Variants in MGAT4C observed in about 807,000 individuals in gnomAD.
MGAT4C encodes the protein alpha-1,3-mannosyl-glycoprotein 4-beta-N-acetylglucosaminyltransferase C.
Under a neutral mutation model 40.1 loss-of-function variants are expected in MGAT4C, and 19 were observed. The ratio of observed to expected loss-of-function variants is 0.47; its 90% CI spans 0.33 to 0.70. The LOEUF (loss-of-function observed/expected upper bound fraction) is 0.70, where lower values mean the gene tolerates loss of function less well. MGAT4C is among the 30% of genes least tolerant of loss of function. MGAT4C has a pLI of 0.02. For synonymous variants in MGAT4C, 181 were observed against 187.1 expected, an observed-to-expected ratio of 0.97 and a Z score of 0.27; for missense variants, 491 against 563.2, an observed-to-expected ratio of 0.87 and a Z score of 1.30.
In MGAT4C at chr12:86,306,233, A is replaced by G. The variant is rs753533761; in HGVS notation, c.-57+27832T>C. Among the ~76,000 whole-genome samples, 22 of 150,524 alleles carry G rather than the reference A, an allele frequency of 1.5e-4. 1 individual carries two copies. Among genetic ancestry groups the G allele is most frequent in the Non-Finnish European group, 1.5e-4 (10 of 67,974 alleles). On this transcript the variant is annotated intron_variant, in intron 4 of 7. Coordinates refer to the MGAT4C transcript ENST00000548651. ...GAAATTACTCAAGAGAAACAGAAAC[A>G]TAGGTCTACACACACTTATCAAGAA...
intron 1 of MGAT4C, among the ~76,000 whole-genome samples, chr12:86,824,179 C>A (rs1417783655): frequency 6.6e-6 from 1 of 151,226 alleles, no homozygotes; most frequent in Non-Finnish European, 1.5e-5. Context: ...ATCAGATTGA[C>A]CCTGGCATAT....
At position 85,962,252 on chromosome 12, in the gene MGAT4C, T is replaced by G. The variant is rs1883149477; in HGVS notation, c.*17037A>C. ...TCATGTAGTATTTTCACATGCATTC[T>G]GGTCTAAATATCCCAACATATCTTT... On this transcript the variant is annotated 3_prime_UTR_variant, in exon 5 of 5. Transcript: ENST00000611864. 6.6e-6 allele frequency: 1 copy of G among 151,666 alleles called. No homozygotes were observed. Among genetic ancestry groups the G allele is most frequent in the African/African-American group, 2.4e-5 (1 of 41,404 alleles). 9.4% of individuals were successfully genotyped at this position (151,666 alleles called of 1,614,324 possible).
chr12:86,320,439 G>C (rs78949866), intron 4 of MGAT4C, among the ~76,000 whole-genome samples: 5,665 of 152,040 alleles, frequency 0.037, 297 homozygotes, highest in African/African-American at 0.12. Flanking sequence ...AGTTTATTAA[G>C]ACTTAATATT....
chr12:86,414,089 A>C (rs1019428099), intron 3 of MGAT4C, among the ~76,000 whole-genome samples: 5 of 152,138 alleles, frequency 3.3e-5, no homozygotes, highest in Non-Finnish European at 2.9e-5. Context: ...CTGCAAGTAC[A>C]TGAAAAGCAA....
chr12:86,332,357 A>G (rs1184499516), intron 4 of MGAT4C, among the ~76,000 whole-genome samples: 1 of 152,022 alleles, frequency 6.6e-6, no homozygotes, highest in Non-Finnish European at 1.5e-5. Flanking sequence ...ACACTCCATC[A>G]TGAAAATAAT....
At chr12:86,791,451 TTCC>T (rs1219059522) in intron 1 of MGAT4C, among the ~76,000 whole-genome samples, 1 of 151,852 alleles carries the variant, frequency 6.6e-6, no homozygotes, top group African/African-American at 2.4e-5. Flanking sequence ...TTTTTTTTTT[TTCC>T]TCTTAACCCA....
chr12:86,482,067 TACACACACACAC>T (rs10526768), intron 2 of MGAT4C, among the ~76,000 whole-genome samples: 2 of 143,110 alleles, frequency 1.4e-5, no homozygotes, highest in Non-Finnish European at 1.5e-5. Flanking sequence ...AACATGTCAC[TACACACACACAC>T]ACACACACAC....
intron 1 of MGAT4C, among the ~76,000 whole-genome samples, chr12:86,114,908 G>T (rs1013411855): frequency 6.6e-6 from 1 of 151,960 alleles, no homozygotes; most frequent in African/African-American, 2.4e-5. Context: ...ATTTATGGAG[G>T]TAGTTGGGGG....
chr12:86,018,231 A>C (rs904246393), intron 2 of MGAT4C, among the ~76,000 whole-genome samples: 12 of 152,172 alleles, frequency 7.9e-5, no homozygotes. Context: ...ATCTAAATGA[A>C]AGTGGCAACG....
intron 2 of MGAT4C, among the ~76,000 whole-genome samples, chr12:86,500,197 A>T (rs982453077): frequency 6.6e-6 from 1 of 151,954 alleles, no homozygotes. Flanking sequence ...ATGTATACAT[A>T]TATGTGTATT....
chr12:86,690,521 G>A (rs967426962), intron 2 of MGAT4C, among the ~76,000 whole-genome samples: 4 of 152,110 alleles, frequency 2.6e-5, no homozygotes, highest in Admixed American at 6.5e-5. Flanking sequence ...AGATAGCAAC[G>A]TCCTTCAAGG....
chr12:86,263,086 A>T (rs1952693974), intron 4 of MGAT4C, among the ~76,000 whole-genome samples: 1 of 152,042 alleles, frequency 6.6e-6, no homozygotes, highest in Non-Finnish European at 1.5e-5. Flanking sequence ...TGTAATTTCA[A>T]ATGTAATTAT....
chr12:86,163,729 C>T (rs543441868), intron 1 of MGAT4C, among the ~76,000 whole-genome samples: 2 of 152,198 alleles, frequency 1.3e-5, no homozygotes, highest in South Asian at 4.1e-4. Flanking sequence ...TAACGTGAAA[C>T]ATTTTTGAAC....
intron 1 of MGAT4C, among the ~76,000 whole-genome samples, chr12:86,778,987 T>C (rs1176629440): frequency 6.8e-6 from 1 of 147,896 alleles, no homozygotes; most frequent in Admixed American, 6.8e-5. Context: ...TATAAATATA[T>C]ACATATTATA....
intron 2 of MGAT4C, among the ~76,000 whole-genome samples, chr12:86,710,668 C>T (rs1950540679): frequency 6.6e-6 from 1 of 152,078 alleles, no homozygotes; most frequent in Non-Finnish European, 1.5e-5. Flanking sequence ...TCACTCGATC[C>T]AGCAATCCCA....
chr12:86,651,613 C>T (rs1164391812), intron 2 of MGAT4C, among the ~76,000 whole-genome samples: 1 of 151,774 alleles, frequency 6.6e-6, no homozygotes, highest in East Asian at 1.9e-4. Context: ...ACTTTTCTTC[C>T]CCACAAGATG....
At chr12:86,743,065 T>C (rs1951095800) in intron 1 of MGAT4C, among the ~76,000 whole-genome samples, 1 of 148,840 alleles carries the variant, frequency 6.7e-6, no homozygotes, top group South Asian at 2.1e-4. Context: ...TATGTGTATG[T>C]GTGTATGCAT....
chr12:86,579,016 T>C (rs991584324), intron 2 of MGAT4C, among the ~76,000 whole-genome samples: 1 of 151,702 alleles, frequency 6.6e-6, no homozygotes, highest in Non-Finnish European at 1.5e-5. Context: ...TGGCATTGAA[T>C]ACATTTTTTC....
At chr12:86,356,174 GA>G (rs752047060) in intron 3 of MGAT4C, among the ~76,000 whole-genome samples, 1 of 152,042 alleles carries the variant, frequency 6.6e-6, no homozygotes, top group Non-Finnish European at 1.5e-5. Context: ...AATATATTTT[GA>G]AAGAATCCAA....
Sources: allele counts gnomAD v4.1 joint callset (sites outside exome capture counted in the v4.1 genomes callset), GRCh38; gene constraint gnomAD v4.1.1; transcripts MANE v1.5; gene names NCBI Gene and HGNC (gene_info 2026-07-23, HGNC 2026-07-21).